Variants in SCHIP1 observed in about 807,000 individuals in gnomAD.
The protein encoded by SCHIP1 is schwannomin-interacting protein 1.
A neutral mutation model predicts 29.7 loss-of-function variants in SCHIP1; 8 were observed. The observed-to-expected ratio is 0.27, with a 90% CI of 0.16 to 0.49. The LOEUF is 0.49. SCHIP1 is among the 20% of genes least tolerant of loss of function. The probability of loss-of-function intolerance (pLI) is 0.99; values close to 1 mark genes in which losing one functional copy is unlikely to be tolerated. For synonymous variants in SCHIP1, 76 were observed against 94.9 expected (o/e 0.80, Z 1.16); for missense variants, 193 against 294.6 (o/e 0.66, Z 2.52).
the SCHIP1 span, among the ~76,000 whole-genome samples, chr3:159,585,302 T>A: frequency 6.6e-6 from 1 of 152,128 alleles, no homozygotes; most frequent in African/African-American, 2.4e-5. Flanking sequence ...ATTAAATCAG[T>A]GAATGAATAC....
chr3:159,687,244 G>GT, the SCHIP1 span, among the ~76,000 whole-genome samples: 1 of 151,968 alleles, frequency 6.6e-6, no homozygotes, highest in African/African-American at 2.4e-5. Context: ...TTATCTGTCT[G>GT]TTTTTTCTTT....
the SCHIP1 span, among the ~76,000 whole-genome samples, chr3:159,578,545 T>C: frequency 6.6e-6 from 1 of 152,192 alleles, no homozygotes; most frequent in Non-Finnish European, 1.5e-5. Flanking sequence ...ATCAGTGCCT[T>C]AAAGCAACAT....
At chr3:159,748,139 A>G in the SCHIP1 span, among the ~76,000 whole-genome samples, 1 of 152,214 alleles carries the variant, frequency 6.6e-6, no homozygotes, top group Non-Finnish European at 1.5e-5. Flanking sequence ...TATGCCATTT[A>G]TGTGTAAAGC....
intron 1 of SCHIP1, among the ~76,000 whole-genome samples, chr3:159,843,092 C>T (rs1383265303): frequency 7.2e-6 from 1 of 138,570 alleles, no homozygotes; most frequent in Non-Finnish European, 1.5e-5. Context: ...GTGGCGCAAT[C>T]AAACTCAGCT....
chr3:159,464,837 G>C, the SCHIP1 span, among the ~76,000 whole-genome samples: 1 of 152,092 alleles, frequency 6.6e-6, no homozygotes, highest in East Asian at 1.9e-4. Flanking sequence ...CTTCTCTATG[G>C]TGTTGCTTTT....
chr3:159,605,512 G>A, the SCHIP1 span, among the ~76,000 whole-genome samples: 1 of 152,094 alleles, frequency 6.6e-6, no homozygotes, highest in East Asian at 1.9e-4. Context: ...GTATCTGAGG[G>A]GTTAAGGGAC....
chr3:159,318,089 C>T, the SCHIP1 span, among the ~76,000 whole-genome samples: 1 of 152,194 alleles, frequency 6.6e-6, no homozygotes, highest in Non-Finnish European at 1.5e-5. Context: ...ACCTCCATCC[C>T]TGCCACCATG....
chr3:159,862,718 A>G (rs1480022463), intron 1 of SCHIP1, among the ~76,000 whole-genome samples: 2 of 152,258 alleles, frequency 1.3e-5, no homozygotes, highest in Non-Finnish European at 2.9e-5. Flanking sequence ...TTCAGAGAAA[A>G]GAAAGTACAG....
the SCHIP1 span, among the ~76,000 whole-genome samples, chr3:159,379,932 A>G: frequency 6.6e-6 from 1 of 152,162 alleles, no homozygotes; most frequent in African/African-American, 2.4e-5. Context: ...CATTTGAAGT[A>G]CTCAACTATA....
the SCHIP1 span, among the ~76,000 whole-genome samples, chr3:159,785,108 G>C: frequency 6.6e-6 from 1 of 152,208 alleles, no homozygotes; most frequent in African/African-American, 2.4e-5. Flanking sequence ...TCATAGCTCA[G>C]AGACTGAACC....
the SCHIP1 span, among the ~76,000 whole-genome samples, chr3:159,790,181 T>C: frequency 4.6e-5 from 7 of 152,250 alleles, no homozygotes; most frequent in Non-Finnish European, 7.3e-5. Flanking sequence ...CCTCAGACTC[T>C]ACTCAGCAGC....
chr3:159,850,399 C>T (rs1017913912), intron 1 of SCHIP1, among the ~76,000 whole-genome samples: 5 of 151,932 alleles, frequency 3.3e-5, no homozygotes, highest in East Asian at 1.9e-4. Flanking sequence ...ACTAAAAATA[C>T]GAAAATTAGC....
the SCHIP1 span, among the ~76,000 whole-genome samples, chr3:159,533,182 G>A: frequency 6.6e-6 from 1 of 152,296 alleles, no homozygotes; most frequent in Non-Finnish European, 1.5e-5. Flanking sequence ...AGCTGACCAA[G>A]GCTGGTGGGT....
At chr3:159,709,187 A>G in the SCHIP1 span, among the ~76,000 whole-genome samples, 1 of 152,030 alleles carries the variant, frequency 6.6e-6, no homozygotes, top group Non-Finnish European at 1.5e-5. Flanking sequence ...AGAAAATATT[A>G]GTGGTTTCCA....
the SCHIP1 span, among the ~76,000 whole-genome samples, chr3:159,645,447 A>G: frequency 6.6e-6 from 1 of 152,156 alleles, no homozygotes; most frequent in Non-Finnish European, 1.5e-5. Context: ...TTCTTCTCAG[A>G]ACAAAATGAT....
At chr3:159,433,853 GAATA>G in the SCHIP1 span, among the ~76,000 whole-genome samples, 33 of 152,078 alleles carry the variant, frequency 2.2e-4, no homozygotes, top group African/African-American at 7.2e-4. Context: ...AGTAGGTGCC[GAATA>G]AATATTTGCT....
chr3:159,594,276 G>C, the SCHIP1 span, among the ~76,000 whole-genome samples: 3 of 152,208 alleles, frequency 2.0e-5, no homozygotes, highest in African/African-American at 7.2e-5. Flanking sequence ...ATTAACAAGA[G>C]AAAATCAGCA....
the SCHIP1 span, among the ~76,000 whole-genome samples, chr3:159,718,785 A>G: frequency 2.7e-3 from 404 of 152,322 alleles, 17 homozygotes; most frequent in East Asian, 0.068. Context: ...AAGAATCAAT[A>G]TTGTGAAAAT....
the SCHIP1 span, among the ~76,000 whole-genome samples, chr3:159,442,279 A>C: frequency 6.6e-6 from 1 of 152,214 alleles, no homozygotes; most frequent in Non-Finnish European, 1.5e-5. Flanking sequence ...TGAGACTGGC[A>C]GGAATTGCTT....
Sources: gnomAD v4.1 joint callset for allele counts (sites outside exome capture counted in the v4.1 genomes callset) on GRCh38, gnomAD v4.1.1 for gene constraint, MANE v1.5 for transcripts, NCBI Gene and HGNC (gene_info 2026-07-23, HGNC 2026-07-21) for gene names.